The following OTUD7B variants were observed in gnomAD, a reference collection of about 807,000 sequenced individuals.
OTUD7B encodes the protein OTU deubiquitinase 7B, also known as OTU domain-containing protein 7B.
OTUD7B carries 34 observed loss-of-function variants against 82.2 expected under a neutral mutation model. The ratio of observed to expected loss-of-function variants is 0.41; its 90% CI spans 0.31 to 0.55. The LOEUF is 0.55. OTUD7B is among the 20% of genes least tolerant of loss of function. The pLI, the probability that OTUD7B is intolerant of heterozygous loss-of-function variation, is 0.20. For synonymous variants in OTUD7B, 398 were observed against 402.7 expected, an observed-to-expected ratio of 0.99 and a Z score of 0.14; for missense variants, 944 against 1,062.1, an observed-to-expected ratio of 0.89 and a Z score of 1.55.
intron 3 of OTUD7B, among the ~76,000 whole-genome samples, chr1:149,968,904 G>C (rs1018353451): frequency 1.3e-5 from 2 of 151,920 alleles, no homozygotes; most frequent in South Asian, 4.2e-4. Context: ...AGCAGAGACG[G>C]GGTTTCTCCA....
Position 149,944,383 on chromosome 1 carries a change from G to T in OTUD7B, c.2006C>A (p.Pro669Gln). 6.2e-7 allele frequency: 1 copy of T among 1,614,040 alleles called. No individual in the cohort carries two copies. The highest frequency in any genetic ancestry group is 2.2e-5 in the East Asian group (1 of 44,876). Residue 669 changes from proline (P) to glutamine (Q), a missense_variant, in exon 12 of 12, where the codon CCA becomes CAA. Around this residue, in one of 3 missense-constraint regions of OTUD7B, gnomAD observed 412 missense variants for 418.7 expected, o/e 0.98. Transcript: ENST00000581312. The stretch of plus-strand genomic sequence containing the variant: ...GGTCGGCTGCTCTTCCCTAGCATCT[G>T]GCTCTGGCTTTTTGGCTGGAGGAGG... The part of the protein sequence containing the change: ...GGPPPAKKPE[P>Q]DAREEQPTGP...
chr1:150,019,739 T>G, the OTUD7B span, among the ~76,000 whole-genome samples: 30 of 152,216 alleles, frequency 2.0e-4, no homozygotes, highest in Non-Finnish European at 3.5e-4. Context: ...TTATCATTAT[T>G]CACGTGGTTG....
the OTUD7B span, among the ~76,000 whole-genome samples, chr1:150,016,477 A>T: frequency 7.2e-6 from 1 of 138,214 alleles, no homozygotes; most frequent in Non-Finnish European, 1.5e-5. Context: ...TTTTTGAGAC[A>T]GAGTCTCGCT....
the OTUD7B span, among the ~76,000 whole-genome samples, chr1:150,020,174 A>G: frequency 6.6e-6 from 1 of 152,038 alleles, no homozygotes; most frequent in Admixed American, 6.6e-5. Flanking sequence ...GCCTACTTTT[A>G]AGGTAGGTGA....
the OTUD7B span, among the ~76,000 whole-genome samples, chr1:150,050,093 T>G: frequency 6.6e-6 from 1 of 151,762 alleles, no homozygotes; most frequent in Non-Finnish European, 1.5e-5. Context: ...TACGTGCCAG[T>G]AGAGGCTGGA....
the OTUD7B span, among the ~76,000 whole-genome samples, chr1:150,064,456 C>T: frequency 2.0e-5 from 3 of 151,978 alleles, no homozygotes; most frequent in South Asian, 2.1e-4. Flanking sequence ...ACTGCAGCCT[C>T]GATTTCCAGG....
the OTUD7B span, among the ~76,000 whole-genome samples, chr1:150,042,467 A>T: frequency 6.6e-6 from 1 of 151,620 alleles, no homozygotes; most frequent in East Asian, 1.9e-4. Context: ...AGCCACCGCA[A>T]CCCGCCCCAA....
Position 149,968,770 on chromosome 1 carries a change from C to T in OTUD7B, c.275-1249G>A, listed in dbSNP as rs146629709. Among the ~76,000 whole-genome samples the T allele has an allele frequency of 8.5e-3, 1,290 of 152,242 alleles. 8 individuals carry two copies. Among genetic ancestry groups the T allele is most frequent in the Non-Finnish European group, 0.011 (739 of 68,012 alleles). ...CTGTCGCTCAGGCTGGAGTGCAGTG[C>T]TGCAGTCTCGGCTCACTGCAACCTC... On this transcript the variant is annotated intron_variant, in intron 3 of 11. Coordinates refer to ENST00000581312, the MANE Select transcript of OTUD7B (RefSeq NM_020205.4).
chr1:149,948,900 TG>T, intron 10 of OTUD7B, 68 bp downstream of exon 10: 1 of 1,045,276 alleles, frequency 9.6e-7, no homozygotes, highest in Non-Finnish European at 1.5e-6. Flanking sequence ...GAAAAATCCC[TG>T]GGAGATGGAT....
intron 1 of OTUD7B, among the ~76,000 whole-genome samples, chr1:149,993,952 A>T (rs1422478164): frequency 1.3e-5 from 2 of 152,160 alleles, no homozygotes; most frequent in Non-Finnish European, 2.9e-5. Flanking sequence ...ATGCTTCACA[A>T]TGACCACAAT....
chr1:150,064,243 G>A, the OTUD7B span, among the ~76,000 whole-genome samples: 11 of 152,282 alleles, frequency 7.2e-5, no homozygotes, highest in South Asian at 4.1e-4. Flanking sequence ...GGTAGGTTAC[G>A]TTATTACCAT....
At chr1:149,971,346 C>A in intron 2 of OTUD7B, 95 bp from the exon 3 acceptor site, 1 of 700,682 alleles carries the variant, frequency 1.4e-6, no homozygotes, top group South Asian at 2.5e-5. Context: ...TATGCAAATA[C>A]GCATGCACAT....
chr1:149,967,446 T>G lies in OTUD7B; in HGVS notation c.350A>C (p.Asn117Thr), dbSNP rs1052860006. 6.2e-7 allele frequency: 1 copy of G among 1,613,990 alleles called. No homozygotes were observed. Among genetic ancestry groups the G allele is most frequent in the Admixed American group, 1.7e-5 (1 of 60,008 alleles). The change falls in exon 4 of 12, where the codon AAT becomes ACT. Residue 117 changes from asparagine (N) to threonine (T), a missense_variant. Physicochemically the swap from Asn to Thr is moderately conservative, Grantham distance 65 (BLOSUM62 0). Transcript: ENST00000581312. ...CTCATTGCTCCCCCCACCCCCACCA[T>G]TGGAGGAGACATGGGACCGGGCCAG... ...VSLARSHVSS[N>T]GGGGGSNEHP...
the OTUD7B span, among the ~76,000 whole-genome samples, chr1:150,032,243 C>T: frequency 2.1e-4 from 32 of 151,252 alleles, no homozygotes; most frequent in South Asian, 5.7e-3. Flanking sequence ...ACCCGGGAGG[C>T]GGAGGTTGCA....
chr1:149,977,838 T>C (rs1190050085), intron 1 of OTUD7B, among the ~76,000 whole-genome samples: 1 of 152,192 alleles, frequency 6.6e-6, no homozygotes, highest in East Asian at 1.9e-4. Flanking sequence ...GAGTACTGCT[T>C]TTCTACCATG....
upstream of OTUD7B, among the ~76,000 whole-genome samples, chr1:150,011,326 G>T (rs993951429): frequency 1.3e-5 from 2 of 152,160 alleles, no homozygotes; most frequent in Non-Finnish European, 2.9e-5. Flanking sequence ...ATGTCTTCTA[G>T]TGCGTTTGTT....
At chr1:150,055,018 T>C in the OTUD7B span, 30,958 of 226,598 alleles carry the variant, frequency 0.14, 2,636 homozygotes, top group African/African-American at 0.17. Context: ...AATTTATCCT[T>C]ACAAATTGGT....
At chr1:149,975,768 C>T (rs1553778409) in intron 2 of OTUD7B, among the ~76,000 whole-genome samples, 1 of 151,926 alleles carries the variant, frequency 6.6e-6, no homozygotes, top group Non-Finnish European at 1.5e-5. Context: ...GTGGCTCATG[C>T]CTGCCAGCAC....
chr1:149,965,645 A>T (rs1053860614), intron 5 of OTUD7B, 132 bp downstream of exon 5: 3 of 661,270 alleles, frequency 4.5e-6, no homozygotes, highest in Non-Finnish European at 8.3e-6. Flanking sequence ...CACACACGTA[A>T]GCATGCACAA....
Sources: allele counts gnomAD v4.1 joint callset (sites outside exome capture counted in the v4.1 genomes callset), GRCh38; gene constraint gnomAD v4.1.1; regional missense constraint gnomAD v4.1.1; transcripts MANE v1.5; gene names NCBI Gene and HGNC (gene_info 2026-07-23, HGNC 2026-07-21).